The following DPYD variants were observed in gnomAD, a reference collection of about 807,000 sequenced individuals.
The protein encoded by DPYD is dihydropyrimidine dehydrogenase.
In DPYD, 109 loss-of-function variants were observed where a neutral mutation model predicts 116.2. That is an observed-to-expected ratio of 0.94 (90% CI 0.80 to 1.10). DPYD has a LOEUF of 1.10. Among genes scored for constraint, DPYD ranks in the 50% least tolerant of loss-of-function variants. The pLI is 0.00. For missense variants in DPYD, 1,302 were observed against 1,254.5 expected (o/e 1.04, Z -0.57); for synonymous variants, 440 against 432.0 (o/e 1.02, Z -0.23).
intron 2 of DPYD, among the ~76,000 whole-genome samples, chr1:97,849,582 G>C (rs1286168589): frequency 6.6e-6 from 1 of 151,456 alleles, no homozygotes; most frequent in Non-Finnish European, 1.5e-5. Flanking sequence ...GAAACTGACA[G>C]AGCCTAGATG....
Position 97,382,830 on chromosome 1 carries a change from T to C in DPYD, c.1906-369A>G, listed in dbSNP as rs142539418. ...GTGAAGGGATTGTCTAATTATACAA[T>C]GCCATTAAAATGCTGTTTGTAATTA... On this transcript the variant is annotated intron_variant, in intron 14 of 22. Coordinates refer to ENST00000370192, the MANE Select transcript of DPYD (RefSeq NM_000110.4). Among the ~76,000 whole-genome samples, 178 of 152,236 alleles carry C rather than the reference T, an allele frequency of 1.2e-3. 1 individual carries two copies. Among genetic ancestry groups the C allele is most frequent in the African/African-American group, 4.2e-3 (175 of 41,560 alleles).
At chr1:97,715,617 A>G (rs1002715558) in intron 5 of DPYD, among the ~76,000 whole-genome samples, 6 of 152,044 alleles carry the variant, frequency 3.9e-5, no homozygotes, top group Admixed American at 2.0e-4. Context: ...GCTGTACTGG[A>G]CTGATTATTA....
At chr1:97,553,111 T>C (rs989025188) in intron 11 of DPYD, among the ~76,000 whole-genome samples, 10 of 151,960 alleles carry the variant, frequency 6.6e-5, no homozygotes, top group African/African-American at 2.4e-4. Context: ...ACAACTGGAA[T>C]ATCAAATGGT....
At chr1:97,631,592 T>C (rs1014896377) in intron 8 of DPYD, among the ~76,000 whole-genome samples, 13 of 152,016 alleles carry the variant, frequency 8.6e-5, no homozygotes, top group African/African-American at 2.9e-4. Context: ...AAAAAGTGCT[T>C]CAAAGGAACT....
intron 8 of DPYD, among the ~76,000 whole-genome samples, chr1:97,670,110 G>T (rs1659776394): frequency 6.6e-6 from 1 of 152,148 alleles, no homozygotes; most frequent in Non-Finnish European, 1.5e-5. Context: ...GAGGGGAAGG[G>T]TTGTGTACTG....
chr1:97,309,292 G>A (rs1036848060), intron 16 of DPYD, among the ~76,000 whole-genome samples: 3 of 151,294 alleles, frequency 2.0e-5, no homozygotes, highest in African/African-American at 7.3e-5. Context: ...GCTTCTCCCT[G>A]AACATGATTT....
intron 14 of DPYD, among the ~76,000 whole-genome samples, chr1:97,399,124 T>G (rs544316251): frequency 6.6e-6 from 1 of 152,078 alleles, no homozygotes; most frequent in African/African-American, 2.4e-5. Flanking sequence ...AATTTTTGTA[T>G]AAGGTGTAAG....
chr1:97,641,076 G>A (rs1657867099), intron 8 of DPYD, among the ~76,000 whole-genome samples: 1 of 152,158 alleles, frequency 6.6e-6, no homozygotes, highest in African/African-American at 2.4e-5. Flanking sequence ...CTGGCACATG[G>A]ATGGAGTGTA....
intron 14 of DPYD, among the ~76,000 whole-genome samples, chr1:97,398,036 T>A (rs1193589797): frequency 6.6e-6 from 1 of 152,064 alleles, no homozygotes; most frequent in Non-Finnish European, 1.5e-5. Flanking sequence ...CATGTTGGTG[T>A]GTTGCACCCA....
intron 3 of DPYD, among the ~76,000 whole-genome samples, chr1:97,780,490 G>C (rs186268943): frequency 6.6e-6 from 1 of 152,274 alleles, no homozygotes; most frequent in East Asian, 1.9e-4. Flanking sequence ...TTTTAATCAA[G>C]AGAGTTCTTA....
intron 21 of DPYD, among the ~76,000 whole-genome samples, chr1:97,097,096 G>A (rs1650315907): frequency 6.6e-6 from 1 of 152,134 alleles, no homozygotes; most frequent in South Asian, 2.1e-4. Flanking sequence ...AGTTTGTTCA[G>A]TTCATACTTT....
rs80075805 is a variant in DPYD at position 97,257,435 on chromosome 1, G to A, written c.2300-22441C>T. 2.7e-4 allele frequency among the ~76,000 whole-genome samples: 37 copies of A among 136,120 alleles called. 1 individual carries two copies. The highest frequency in any genetic ancestry group is 8.1e-4 in the African/African-American group (28 of 34,368). The allele number at this position is 136,120 out of a possible 152,430, so 89.3% of individuals were successfully genotyped here. A position where few individuals can be genotyped will look rare whatever the true frequency, so the allele number is the denominator to read the frequency against. ...CTAAAGTAAAAGTACATATACATAC[G>A]TATATATATATATATATAGAGAGAG... is the stretch of plus-strand genomic sequence containing the variant. On this transcript the variant is annotated intron_variant, in intron 18 of 22. Transcript: ENST00000370192.
rs368577232 is a variant in DPYD at position 97,439,562 on chromosome 1, A to C, written c.1905+10497T>G. Among the ~76,000 whole-genome samples the C allele has an allele frequency of 6.6e-5, 10 of 151,904 alleles. 1 individual carries two copies. In the East Asian group the frequency reaches 7.8e-4, roughly 12 times the overall value. On this transcript the variant is annotated intron_variant, in intron 14 of 22. Transcript: ENST00000370192. ...TATCTGTAGAATCTGCAGTGATGTTATCTCTCTCCTTTTCTATATTGGTAA... is the reference window on the plus strand; with the variant it reads ...TATCTGTAGAATCTGCAGTGATGTTCTCTCTCTCCTTTTCTATATTGGTAA...
chr1:97,732,014 T>A (rs1663643449), intron 4 of DPYD, among the ~76,000 whole-genome samples: 1 of 152,142 alleles, frequency 6.6e-6, no homozygotes, highest in African/African-American at 2.4e-5. Flanking sequence ...TTAAGATGTA[T>A]AATAAAAATC....
At chr1:97,278,583 C>G (rs1467494255) in intron 18 of DPYD, among the ~76,000 whole-genome samples, 1 of 152,100 alleles carries the variant, frequency 6.6e-6, no homozygotes, top group Non-Finnish European at 1.5e-5. Flanking sequence ...TTATTAAACC[C>G]CCAAACAGAT....
chr1:97,168,225 C>A (rs2101761966), intron 20 of DPYD, among the ~76,000 whole-genome samples: 1 of 152,302 alleles, frequency 6.6e-6, no homozygotes, highest in South Asian at 2.1e-4. Flanking sequence ...ACAATCTTCT[C>A]CACAATGTGT....
intron 1 of DPYD, among the ~76,000 whole-genome samples, chr1:97,887,411 A>G (rs1672551521): frequency 7.1e-6 from 1 of 141,630 alleles, no homozygotes; most frequent in Non-Finnish European, 1.5e-5. Context: ...TCAAGGATGC[A>G]GTGAGCTGTG....
intron 11 of DPYD, among the ~76,000 whole-genome samples, chr1:97,561,288 G>A (rs1395730007): frequency 2.0e-5 from 3 of 152,052 alleles, no homozygotes; most frequent in Non-Finnish European, 4.4e-5. Flanking sequence ...GGGCTGGCTG[G>A]CCTTCATGAC....
intron 21 of DPYD, among the ~76,000 whole-genome samples, chr1:97,090,473 T>C (rs564878920): frequency 4.6e-5 from 7 of 152,220 alleles, no homozygotes; most frequent in African/African-American, 7.2e-5. Context: ...TAGTGATGCT[T>C]GAAACCTCAT....
Sources: allele counts gnomAD v4.1 joint callset (sites outside exome capture counted in the v4.1 genomes callset), GRCh38; gene constraint gnomAD v4.1.1; transcripts MANE v1.5; gene names NCBI Gene and HGNC (gene_info 2026-07-23, HGNC 2026-07-21).